Variants in PPP2R2D observed in about 807,000 individuals in gnomAD.
PPP2R2D encodes the protein serine/threonine-protein phosphatase 2A 55 kDa regulatory subunit B delta isoform.
PPP2R2D carries 9 observed loss-of-function variants against 31.1 expected under a neutral mutation model. The ratio of observed to expected loss-of-function variants is 0.29; its 90% CI spans 0.17 to 0.51. The LOEUF is 0.51. Ranked by LOEUF, PPP2R2D falls within the 20% of genes least tolerant of loss-of-function variation. The pLI is 0.98. For missense variants in PPP2R2D, 391 were observed against 465.6 expected (o/e 0.84, Z 1.48); for synonymous variants, 179 against 172.6 (o/e 1.04, Z -0.29).
In PPP2R2D at chr10:131,907,523, G is replaced by A. The variant is rs1430932689; in HGVS notation, c.100+6193G>A. On this transcript the variant is annotated intron_variant, in intron 2 of 8. Coordinates refer to ENST00000455566, the MANE Select transcript of PPP2R2D (RefSeq NM_018461.5). ...TGGGAGGCCGAGGCGGGCGGATCAC[G>A]AGGTCAGGAGATCGAGACCATCCTG... Among the ~76,000 whole-genome samples, 10 of 152,168 alleles carry A rather than the reference G, an allele frequency of 6.6e-5. 1 individual carries two copies. The highest frequency in any genetic ancestry group is 4.1e-4 in the South Asian group (2 of 4,820).
chr10:131,951,781 C>T (rs781978782), intron 8 of PPP2R2D, among the ~76,000 whole-genome samples: 7 of 152,108 alleles, frequency 4.6e-5, no homozygotes, highest in African/African-American at 9.7e-5. Flanking sequence ...GATTGTGCCA[C>T]TGCACTCCAG....
chr10:131,938,794 C>T (rs2036389450), intron 3 of PPP2R2D, among the ~76,000 whole-genome samples: 1 of 152,200 alleles, frequency 6.6e-6, no homozygotes, highest in Admixed American at 6.5e-5. Flanking sequence ...TACTGTTGCC[C>T]TTCGCCTCTG....
In PPP2R2D at chr10:131,940,075, C is replaced by T. The variant is rs2036415343; in HGVS notation, c.243C>T (p.Ser81=). 1.3e-6 allele frequency: 1 copy of T among 776,198 alleles called. No individual in the cohort carries two copies. The highest frequency in any genetic ancestry group is 1.4e-5 in the South Asian group (1 of 73,760). 48.1% of individuals were successfully genotyped at this position (776,198 alleles called of 1,614,324 possible). A position where few individuals can be genotyped will look rare whatever the true frequency, so the allele number is the denominator to read the frequency against. The stretch of plus-strand genomic sequence containing the variant: ...CTAGGGGAGAATATAATGTTTACAG[C>T]ACCTTTCAAAGTCATGAACCGGAGT... The part of the protein sequence containing the change: ...PHSRGEYNVY[S]TFQSHEPEFD... Residue 81 remains serine (S), a synonymous_variant, in exon 4 of 9, where the codon AGC becomes AGT. Coordinates refer to ENST00000455566, the MANE Select transcript of PPP2R2D (RefSeq NM_018461.5).
chr10:131,938,490 C>T (rs1479044370), intron 3 of PPP2R2D, among the ~76,000 whole-genome samples: 5 of 152,326 alleles, frequency 3.3e-5, no homozygotes, highest in South Asian at 2.1e-4. Context: ...GGAGAATGCT[C>T]GGGATACAGA....
downstream of PPP2R2D, among the ~76,000 whole-genome samples, chr10:131,960,386 AAC>A (rs2036907093): frequency 6.6e-6 from 1 of 152,212 alleles, no homozygotes; most frequent in African/African-American, 2.4e-5. Flanking sequence ...GGATTCCATG[AAC>A]ACACTTTCTT....
chr10:131,961,148 C>G (rs2120114486), downstream of PPP2R2D, among the ~76,000 whole-genome samples: 1 of 152,326 alleles, frequency 6.6e-6, no homozygotes, highest in African/African-American at 2.4e-5. Context: ...TCAGACGCTG[C>G]CCGCGGCCGA....
chr10:131,960,664 G>A (rs2036910348), downstream of PPP2R2D, among the ~76,000 whole-genome samples: 1 of 152,200 alleles, frequency 6.6e-6, no homozygotes, highest in African/African-American at 2.4e-5. Flanking sequence ...GATCCGCCTG[G>A]CCCGGCTGCT....
intron 2 of PPP2R2D, chr10:131,911,864 A>G (rs1477799326): frequency 6.6e-6 from 1 of 152,214 alleles, no homozygotes; most frequent in South Asian, 2.1e-4. Context: ...CATCTTTACC[A>G]GATTGTACTG....
At chr10:131,952,304 T>G (rs1564825999) in intron 8 of PPP2R2D, among the ~76,000 whole-genome samples, 2 of 84,484 alleles carry the variant, frequency 2.4e-5, no homozygotes, top group Non-Finnish European at 4.4e-5. Flanking sequence ...CTTAGTGACT[T>G]GCGGGTGTGC....
intron 8 of PPP2R2D, among the ~76,000 whole-genome samples, chr10:131,952,757 G>GT (rs2036694445): frequency 2.1e-5 from 2 of 96,214 alleles, no homozygotes; most frequent in Non-Finnish European, 2.1e-5. Context: ...GCGGGTGTGC[G>GT]GGGGGTTCAC....
intron 2 of PPP2R2D, among the ~76,000 whole-genome samples, chr10:131,905,433 A>G (rs1263457962): frequency 1.3e-5 from 2 of 152,014 alleles, no homozygotes; most frequent in Admixed American, 1.3e-4. Flanking sequence ...TCAGCATGTG[A>G]TGTGTTTTGC....
intron 2 of PPP2R2D, among the ~76,000 whole-genome samples, chr10:131,925,304 G>C: frequency 6.6e-6 from 1 of 152,304 alleles, no homozygotes; most frequent in Middle Eastern, 3.4e-3. Context: ...TCTTTGTCAA[G>C]TTGAGGAAGT....
intron 2 of PPP2R2D, among the ~76,000 whole-genome samples, chr10:131,913,234 T>C (rs1176401737): frequency 6.6e-6 from 1 of 151,246 alleles, no homozygotes; most frequent in Non-Finnish European, 1.5e-5. Flanking sequence ...TTTCACCATG[T>C]TGGCCAGGCT....
chr10:131,944,671 C>G (rs1052330658), intron 6 of PPP2R2D, among the ~76,000 whole-genome samples: 2 of 152,176 alleles, frequency 1.3e-5, no homozygotes, highest in Non-Finnish European at 1.5e-5. Flanking sequence ...CCCTGCCGTC[C>G]TCCCTCTGCT....
chr10:131,915,567 C>T (rs951729764), intron 2 of PPP2R2D, among the ~76,000 whole-genome samples: 4 of 152,220 alleles, frequency 2.6e-5, no homozygotes, highest in African/African-American at 2.4e-5. Flanking sequence ...TCCTTCCTCA[C>T]TGGAGGCACT....
intron 2 of PPP2R2D, among the ~76,000 whole-genome samples, chr10:131,932,665 AAAACACAC>A (rs1564817981): frequency 1.4e-5 from 2 of 144,346 alleles, no homozygotes; most frequent in African/African-American, 5.7e-5. Context: ...AAAAAAAAAA[AAAACACAC>A]AAAAAAAACC....
At chr10:131,904,358 A>G (rs1409334844) in intron 2 of PPP2R2D, among the ~76,000 whole-genome samples, 4 of 151,944 alleles carry the variant, frequency 2.6e-5, no homozygotes, top group African/African-American at 9.7e-5. Flanking sequence ...AAAAATACAA[A>G]AATTAGCCGG....
the PPP2R2D span, chr10:131,971,193 T>C: frequency 1.8e-6 from 1 of 559,106 alleles, no homozygotes; most frequent in Non-Finnish European, 3.2e-6. Flanking sequence ...CAGGGACAGA[T>C]CACCTCTGGG....
At chr10:131,954,185 TG>T (rs2120029373) in intron 8 of PPP2R2D, among the ~76,000 whole-genome samples, 1 of 152,370 alleles carries the variant, frequency 6.6e-6, no homozygotes, top group South Asian at 2.1e-4. Flanking sequence ...ACACCCACTC[TG>T]GGGCTGGCAC....
Sources: gnomAD v4.1 joint callset for allele counts (sites outside exome capture counted in the v4.1 genomes callset) on GRCh38, gnomAD v4.1.1 for gene constraint, MANE v1.5 for transcripts, NCBI Gene and HGNC (gene_info 2026-07-23, HGNC 2026-07-21) for gene names.